Variants in LYPLAL1 observed in about 807,000 individuals in gnomAD.
LYPLAL1 encodes the protein lysophospholipase like 1, also known as lysophospholipase-like protein 1.
A neutral mutation model predicts 19.7 loss-of-function variants in LYPLAL1; 23 were observed. The ratio of observed to expected loss-of-function variants is 1.17; its 90% CI spans 0.84 to 1.65. The LOEUF (loss-of-function observed/expected upper bound fraction) is 1.65, where lower values mean the gene tolerates loss of function less well. LYPLAL1 is among the 40% of genes most tolerant of loss of function. The pLI is 0.00. For synonymous variants in LYPLAL1, 119 were observed against 96.3 expected, an observed-to-expected ratio of 1.24 and a Z score of -1.38; for missense variants, 355 against 279.4, an observed-to-expected ratio of 1.27 and a Z score of -1.93.
At chr1:219,282,435 T>C in the LYPLAL1 span, among the ~76,000 whole-genome samples, 14 of 149,864 alleles carry the variant, frequency 9.3e-5, no homozygotes, top group Admixed American at 4.0e-4. Flanking sequence ...ATAAGTAATT[T>C]AAGACATTTT....
chr1:219,402,573 A>G, the LYPLAL1 span, among the ~76,000 whole-genome samples: 5,576 of 151,546 alleles, frequency 0.037, 332 homozygotes, highest in African/African-American at 0.13. Flanking sequence ...GTTTCTACTA[A>G]TATACTTTTA....
chr1:219,322,988 C>A, the LYPLAL1 span, among the ~76,000 whole-genome samples: 1 of 152,142 alleles, frequency 6.6e-6, no homozygotes, highest in Non-Finnish European at 1.5e-5. Context: ...GTGTGAAATG[C>A]AAGACTTGAA....
At chr1:219,304,119 A>G in the LYPLAL1 span, among the ~76,000 whole-genome samples, 1 of 152,196 alleles carries the variant, frequency 6.6e-6, no homozygotes, top group East Asian at 1.9e-4. Context: ...TCTGATCCCT[A>G]TAATCCTTTA....
At chr1:219,365,403 G>A in the LYPLAL1 span, among the ~76,000 whole-genome samples, 1 of 152,078 alleles carries the variant, frequency 6.6e-6, no homozygotes, top group Non-Finnish European at 1.5e-5. Flanking sequence ...AACAAAGTTG[G>A]CAATACACTT....
At chr1:219,387,509 A>T in the LYPLAL1 span, among the ~76,000 whole-genome samples, 11 of 152,198 alleles carry the variant, frequency 7.2e-5, no homozygotes, top group African/African-American at 2.7e-4. Flanking sequence ...ATCAAGTTGA[A>T]GCCAGTTCCC....
the LYPLAL1 span, among the ~76,000 whole-genome samples, chr1:219,332,000 T>C: frequency 2.0e-5 from 3 of 152,200 alleles, no homozygotes; most frequent in Non-Finnish European, 4.4e-5. Flanking sequence ...GTGGTAACAC[T>C]AGCCCGAGGT....
At chr1:219,309,949 G>A in the LYPLAL1 span, among the ~76,000 whole-genome samples, 8 of 152,178 alleles carry the variant, frequency 5.3e-5, no homozygotes, top group South Asian at 4.1e-4. Flanking sequence ...TCTTAGTTTT[G>A]ATCTACTTAA....
the LYPLAL1 span, among the ~76,000 whole-genome samples, chr1:219,316,584 T>A: frequency 1.9e-4 from 29 of 152,312 alleles, no homozygotes; most frequent in South Asian, 4.1e-4. Context: ...TTTTCTTTGT[T>A]ACGAGATGTT....
chr1:219,186,719 T>G (rs189478847), intron 2 of LYPLAL1, among the ~76,000 whole-genome samples: 104 of 151,874 alleles, frequency 6.8e-4, no homozygotes, highest in African/African-American at 2.4e-3. Context: ...TTTTCCATTC[T>G]TTTGCTTTTA....
the LYPLAL1 span, among the ~76,000 whole-genome samples, chr1:219,399,491 C>G: frequency 5.3e-5 from 8 of 152,222 alleles, no homozygotes; most frequent in African/African-American, 1.4e-4. Context: ...GTCACACATG[C>G]TGGTGGAGCA....
the LYPLAL1 span, among the ~76,000 whole-genome samples, chr1:219,279,757 A>C: frequency 6.6e-6 from 1 of 152,184 alleles, no homozygotes; most frequent in African/African-American, 2.4e-5. Flanking sequence ...AGTATTTTCA[A>C]CTATGCAGAG....
the LYPLAL1 span, among the ~76,000 whole-genome samples, chr1:219,405,820 C>T: frequency 6.6e-6 from 1 of 152,200 alleles, no homozygotes; most frequent in Non-Finnish European, 1.5e-5. Context: ...AGGGTCAGAG[C>T]CTGCCCTGAT....
At chr1:219,350,845 A>G in the LYPLAL1 span, among the ~76,000 whole-genome samples, 1 of 152,220 alleles carries the variant, frequency 6.6e-6, no homozygotes, top group Admixed American at 6.5e-5. Flanking sequence ...TAACATCTGT[A>G]GCTCAGCTAA....
the LYPLAL1 span, among the ~76,000 whole-genome samples, chr1:219,313,783 C>T: frequency 2.4e-4 from 37 of 152,300 alleles, no homozygotes; most frequent in African/African-American, 8.7e-4. Context: ...GATCCACCCA[C>T]CTCGGCCTCC....
the LYPLAL1 span, among the ~76,000 whole-genome samples, chr1:219,413,942 A>G: frequency 2.6e-5 from 4 of 152,226 alleles, no homozygotes; most frequent in African/African-American, 9.6e-5. Flanking sequence ...AAAACGGTAA[A>G]GACTTCTGCA....
At chr1:219,359,708 T>C in the LYPLAL1 span, among the ~76,000 whole-genome samples, 1 of 152,236 alleles carries the variant, frequency 6.6e-6, no homozygotes, top group African/African-American at 2.4e-5. Context: ...AATGAAAATG[T>C]CACTGAAGGG....
the LYPLAL1 span, among the ~76,000 whole-genome samples, chr1:219,231,530 G>A: frequency 6.6e-6 from 1 of 152,004 alleles, no homozygotes; most frequent in African/African-American, 2.4e-5. Context: ...ATATGTATAT[G>A]TGGGTGTGTA....
the LYPLAL1 span, among the ~76,000 whole-genome samples, chr1:219,259,958 A>G: frequency 1.3e-5 from 2 of 152,020 alleles, no homozygotes; most frequent in Non-Finnish European, 2.9e-5. Flanking sequence ...CTTTTGAAGA[A>G]TATTAACAAT....
At chr1:219,328,946 A>G in the LYPLAL1 span, among the ~76,000 whole-genome samples, 1 of 152,180 alleles carries the variant, frequency 6.6e-6, no homozygotes, top group East Asian at 1.9e-4. Flanking sequence ...TTTCTTGCTA[A>G]TAATGAATTT....
Sources: gnomAD v4.1 joint callset for allele counts (sites outside exome capture counted in the v4.1 genomes callset) on GRCh38, gnomAD v4.1.1 for gene constraint, MANE v1.5 for transcripts, NCBI Gene and HGNC (gene_info 2026-07-23, HGNC 2026-07-21) for gene names.